The following TMEM50A variants were observed in gnomAD, a reference collection of about 807,000 sequenced individuals.
TMEM50A encodes cervical cancer oncogene 9.
Under a neutral mutation model 23.9 loss-of-function variants are expected in TMEM50A, and 8 were observed. That is an observed-to-expected ratio of 0.33 (90% CI 0.20 to 0.60). The LOEUF is 0.60. Among genes scored for constraint, TMEM50A ranks in the 20% least tolerant of loss-of-function variants. The pLI, the probability that TMEM50A is intolerant of heterozygous loss-of-function variation, is 0.81. For missense variants in TMEM50A, 178 were observed against 192.7 expected (o/e 0.92, Z 0.45); for synonymous variants, 55 against 60.4 (o/e 0.91, Z 0.41).
At chr1:25,353,025 G>A in intron 5 of TMEM50A, 51 bp downstream of exon 5, 1 of 1,514,842 alleles carries the variant, frequency 6.6e-7, no homozygotes, top group Non-Finnish European at 9.0e-7. Context: ...CTGGAATTTT[G>A]CATTAAAGTT....
intron 2 of TMEM50A, chr1:25,342,650 C>A (rs949641853): frequency 5.8e-6 from 1 of 171,800 alleles, no homozygotes; most frequent in Non-Finnish European, 1.2e-5. Flanking sequence ...GAATTGGAGT[C>A]ACTTTTTTCC....
intron 6 of TMEM50A, among the ~76,000 whole-genome samples, chr1:25,359,385 T>C (rs966330569): frequency 2.0e-5 from 3 of 152,158 alleles, no homozygotes; most frequent in Non-Finnish European, 2.9e-5. Context: ...TAAGGACAAC[T>C]GTAGACGTTC....
At chr1:25,343,182 T>G in intron 3 of TMEM50A, 109 bp downstream of exon 3, 2 of 797,580 alleles carry the variant, frequency 2.5e-6, no homozygotes, top group Non-Finnish European at 3.9e-6. Context: ...ATTAACACAC[T>G]GGACATGATT....
chr1:25,355,370 T>C (rs1033487408), intron 5 of TMEM50A, among the ~76,000 whole-genome samples: 33 of 152,144 alleles, frequency 2.2e-4, no homozygotes, highest in African/African-American at 7.5e-4. Flanking sequence ...ATAATGCTTA[T>C]TCATTATAGA....
chr1:25,340,120 A>G (rs1190123299), intron 1 of TMEM50A, among the ~76,000 whole-genome samples: 1 of 152,016 alleles, frequency 6.6e-6, no homozygotes, highest in Non-Finnish European at 1.5e-5. Context: ...TATTTTTAGT[A>G]GAGATGGGGT....
At chr1:25,339,912 A>T (rs3093571) in intron 1 of TMEM50A, among the ~76,000 whole-genome samples, 12,000 of 152,202 alleles carry the variant, frequency 0.079, 1,507 homozygotes, top group African/African-American at 0.27. Context: ...TACTGCTTAA[A>T]TATATCCAAA....
intron 5 of TMEM50A, among the ~76,000 whole-genome samples, chr1:25,355,984 A>G (rs1161927466): frequency 6.6e-6 from 1 of 152,196 alleles, no homozygotes; most frequent in East Asian, 1.9e-4. Context: ...GTGCTGTAAA[A>G]TATATCCTGA....
At chr1:25,355,756 A>G (rs1009190651) in intron 5 of TMEM50A, among the ~76,000 whole-genome samples, 5 of 152,238 alleles carry the variant, frequency 3.3e-5, no homozygotes, top group Admixed American at 2.6e-4. Context: ...GTCATTAACA[A>G]TTCCAGTAGT....
chr1:25,345,405 C>T (rs1486575279), intron 3 of TMEM50A, among the ~76,000 whole-genome samples: 1 of 152,188 alleles, frequency 6.6e-6, no homozygotes, highest in Non-Finnish European at 1.5e-5. Flanking sequence ...ACAGTGAAAC[C>T]CTGTCTCTAC....
chr1:25,355,773 T>C (rs1645327095), intron 5 of TMEM50A, among the ~76,000 whole-genome samples: 1 of 152,180 alleles, frequency 6.6e-6, no homozygotes, highest in African/African-American at 2.4e-5. Context: ...TAGTAGAAAT[T>C]TATGAGAATT....
At chr1:25,345,115 A>T (rs1324858304) in intron 3 of TMEM50A, among the ~76,000 whole-genome samples, 5 of 142,750 alleles carry the variant, frequency 3.5e-5, no homozygotes, top group Non-Finnish European at 7.6e-5. Context: ...CAGTTACCAC[A>T]TCTTCTTTTT....
intron 5 of TMEM50A, among the ~76,000 whole-genome samples, chr1:25,354,471 C>T (rs1052180026): frequency 1.5e-4 from 23 of 151,966 alleles, no homozygotes; most frequent in African/African-American, 5.3e-4. Flanking sequence ...ATTTAGCCGA[C>T]TATGGTGACG....
chr1:25,344,624 C>T (rs1234824812), intron 3 of TMEM50A, among the ~76,000 whole-genome samples: 1 of 151,968 alleles, frequency 6.6e-6, no homozygotes, highest in Admixed American at 6.6e-5. Flanking sequence ...AAGCGATCCA[C>T]CTGCCTTGGC....
chr1:25,350,784 G>A (rs1571802850), intron 3 of TMEM50A, among the ~76,000 whole-genome samples: 1 of 152,144 alleles, frequency 6.6e-6, no homozygotes, highest in South Asian at 2.1e-4. Context: ...TGCTAGGTTT[G>A]GGTTAGGGCC....
At chr1:25,356,365 C>A (rs982640810) in intron 5 of TMEM50A, among the ~76,000 whole-genome samples, 1 of 152,184 alleles carries the variant, frequency 6.6e-6, no homozygotes, top group Admixed American at 6.6e-5. Context: ...TGGCTTCTTC[C>A]CCACTTCCTG....
Position 25,338,923 on chromosome 1 carries a change from A to T in TMEM50A, c.-14+467A>T, listed in dbSNP as rs370668403. The T allele has an allele frequency of 1.4e-4, 22 of 152,120 alleles. 1 individual carries two copies. In the East Asian group the frequency reaches 3.9e-3, roughly 27 times the overall value. The allele number at this position is 152,120 out of a possible 1,614,324, so 9.4% of individuals were successfully genotyped here. On this transcript the variant is annotated intron_variant, in intron 1 of 6. Coordinates refer to ENST00000374358, the MANE Select transcript of TMEM50A (RefSeq NM_014313.4). ...CCAGTCGTCGTGCAAAGAAAAATGGATTCGGGGTGGGGCCATTGGGATGAA... is the reference window on the plus strand; with the variant it reads ...CCAGTCGTCGTGCAAAGAAAAATGGTTTCGGGGTGGGGCCATTGGGATGAA...
At chr1:25,345,496 C>G (rs573263186) in intron 3 of TMEM50A, among the ~76,000 whole-genome samples, 6 of 152,284 alleles carry the variant, frequency 3.9e-5, no homozygotes, top group African/African-American at 1.4e-4. Context: ...AGGAGAATCG[C>G]TTGAACCCAG....
At chr1:25,357,129 T>C (rs1645341381) in intron 6 of TMEM50A, among the ~76,000 whole-genome samples, 1 of 152,200 alleles carries the variant, frequency 6.6e-6, no homozygotes, top group East Asian at 1.9e-4. Context: ...TACATAACAC[T>C]GGTGATGTTC....
At position 25,360,781 on chromosome 1, in the gene TMEM50A, G is replaced by GT; in HGVS notation, c.*77dup. 1 of 1,476,082 alleles carries GT rather than the reference G, an allele frequency of 6.8e-7. No homozygotes were observed. Among genetic ancestry groups the GT allele is most frequent in the East Asian group, 2.3e-5 (1 of 44,018 alleles). The allele number at this position is 1,476,082 out of a possible 1,614,324, so 91.4% of individuals were successfully genotyped here. A position where few individuals can be genotyped will look rare whatever the true frequency, so the allele number is the denominator to read the frequency against. On this transcript the variant is annotated 3_prime_UTR_variant, in exon 7 of 7. Coordinates refer to ENST00000374358, the MANE Select transcript of TMEM50A (RefSeq NM_014313.4). ...TTTTACTGCTCACTCCCAACCTTTT[G>GT]TAATGCCATTTTCTAAACTTATTTC...
Sources: allele counts gnomAD v4.1 joint callset (sites outside exome capture counted in the v4.1 genomes callset), GRCh38; gene constraint gnomAD v4.1.1; transcripts MANE v1.5; gene names NCBI Gene and HGNC (gene_info 2026-07-23, HGNC 2026-07-21).